The following ASIC2 variants were observed in gnomAD, a reference collection of about 807,000 sequenced individuals.
ASIC2 encodes the protein acid-sensing ion channel 2.
In ASIC2, 25 loss-of-function variants were observed where a neutral mutation model predicts 57.3. The ratio of observed to expected loss-of-function variants is 0.44; its 90% CI spans 0.32 to 0.61. The LOEUF is 0.61. Ranked by LOEUF, ASIC2 falls within the 20% of genes least tolerant of loss-of-function variation. ASIC2 has a pLI of 0.06. For missense variants in ASIC2, 641 were observed against 738.1 expected (o/e 0.87, Z 1.52); for synonymous variants, 319 against 307.5 (o/e 1.04, Z -0.39).
At chr17:33,352,306 C>T (rs1597695199) in intron 1 of ASIC2, among the ~76,000 whole-genome samples, 1 of 152,166 alleles carries the variant, frequency 6.6e-6, no homozygotes, top group African/African-American at 2.4e-5. Flanking sequence ...GTTCTCTCCT[C>T]AGGCACAATA....
intron 1 of ASIC2, among the ~76,000 whole-genome samples, chr17:33,579,581 A>G (rs1189603536): frequency 6.6e-6 from 1 of 152,058 alleles, no homozygotes; most frequent in Non-Finnish European, 1.5e-5. Context: ...TGAGTGTTAC[A>G]GCTCTTAAAG....
intron 1 of ASIC2, among the ~76,000 whole-genome samples, chr17:33,539,945 G>T (rs1298556557): frequency 6.6e-6 from 1 of 152,200 alleles, no homozygotes; most frequent in Non-Finnish European, 1.5e-5. Flanking sequence ...AGTGTTCCGG[G>T]CCAAGAAACA....
chr17:33,400,014 C>G (rs1203642565), intron 1 of ASIC2, among the ~76,000 whole-genome samples: 2 of 152,210 alleles, frequency 1.3e-5, no homozygotes, highest in African/African-American at 4.8e-5. Context: ...CCATAGAGAC[C>G]TGTCTGCACA....
At chr17:33,988,208 T>C (rs554880537) in intron 1 of ASIC2, among the ~76,000 whole-genome samples, 10 of 152,316 alleles carry the variant, frequency 6.6e-5, no homozygotes, top group African/African-American at 2.2e-4. Context: ...CAAACACATA[T>C]AAAATACAAG....
At chr17:33,138,109 A>C (rs1046709920) in intron 1 of ASIC2, among the ~76,000 whole-genome samples, 1 of 152,188 alleles carries the variant, frequency 6.6e-6, no homozygotes, top group African/African-American at 2.4e-5. Flanking sequence ...GTGGTTATTC[A>C]AGAGGTCTGG....
At chr17:33,577,288 G>A (rs1218649354) in intron 1 of ASIC2, among the ~76,000 whole-genome samples, 2 of 152,140 alleles carry the variant, frequency 1.3e-5, no homozygotes, top group Non-Finnish European at 2.9e-5. Flanking sequence ...GTGGCCCCAG[G>A]TCTAAGTGCA....
chr17:33,222,755 C>T (rs1275502883), intron 1 of ASIC2, among the ~76,000 whole-genome samples: 3 of 152,150 alleles, frequency 2.0e-5, no homozygotes, highest in Non-Finnish European at 4.4e-5. Context: ...TTATATGTTT[C>T]TTAAAAGAGA....
At chr17:34,102,033 G>A (rs2142101236) in intron 1 of ASIC2, among the ~76,000 whole-genome samples, 1 of 152,300 alleles carries the variant, frequency 6.6e-6, no homozygotes, top group East Asian at 1.9e-4. Flanking sequence ...GATACAGCCA[G>A]GTGTGGTGGT....
At chr17:33,242,057 G>T (rs968979136) in intron 1 of ASIC2, among the ~76,000 whole-genome samples, 1 of 152,194 alleles carries the variant, frequency 6.6e-6, no homozygotes, top group Non-Finnish European at 1.5e-5. Context: ...AGTGGCTCAC[G>T]CCTGTAATCC....
chr17:33,700,138 T>C (rs1035287753), intron 1 of ASIC2, among the ~76,000 whole-genome samples: 4 of 152,148 alleles, frequency 2.6e-5, no homozygotes, highest in Admixed American at 6.5e-5. Context: ...AGGCAAAGAA[T>C]TGGAACTGAG....
At chr17:33,381,029 C>G (rs573720963) in intron 1 of ASIC2, among the ~76,000 whole-genome samples, 1 of 152,296 alleles carries the variant, frequency 6.6e-6, no homozygotes, top group Admixed American at 6.5e-5. Flanking sequence ...AATCTCGGCT[C>G]ACAGTTCGAG....
chr17:33,895,166 A>AT (rs11387427), intron 1 of ASIC2, among the ~76,000 whole-genome samples: 94,509 of 143,986 alleles, frequency 0.66, 30,929 homozygotes, highest in East Asian at 0.93. Context: ...TTTTTTTGCT[A>AT]TTTTTTTTTT....
intron 1 of ASIC2, among the ~76,000 whole-genome samples, chr17:33,556,507 G>A (rs1184121964): frequency 6.6e-6 from 1 of 152,166 alleles, no homozygotes; most frequent in East Asian, 1.9e-4. Context: ...TTTACTTAGA[G>A]CTTAAATACG....
intron 1 of ASIC2, among the ~76,000 whole-genome samples, chr17:33,806,954 C>T (rs1162586930): frequency 1.3e-5 from 2 of 152,208 alleles, no homozygotes; most frequent in African/African-American, 4.8e-5. Flanking sequence ...AATCCAAGAA[C>T]TGATTTGATT....
At chr17:33,916,499 T>C (rs1485705381) in intron 1 of ASIC2, among the ~76,000 whole-genome samples, 8 of 152,198 alleles carry the variant, frequency 5.3e-5, no homozygotes, top group Admixed American at 2.0e-4. Flanking sequence ...TGCTAGTCTT[T>C]TCAATTTAAC....
intron 1 of ASIC2, among the ~76,000 whole-genome samples, chr17:34,091,600 G>A (rs145320904): frequency 6.5e-4 from 99 of 152,362 alleles, no homozygotes; most frequent in African/African-American, 2.3e-3. Flanking sequence ...GGAGATGATG[G>A]ATGGTGAGAT....
rs145385601 is a variant in ASIC2 at position 33,417,243 on chromosome 17, T to C, written c.556-305176A>G. Among the ~76,000 whole-genome samples, 303 of 152,244 alleles carry C rather than the reference T, an allele frequency of 2.0e-3. 1 individual carries two copies. The highest frequency in any genetic ancestry group is 6.8e-3 in the African/African-American group (281 of 41,546). On this transcript the variant is annotated intron_variant, in intron 1 of 9. Coordinates refer to the ASIC2 transcript ENST00000359872. ...TAGAATCTTTAATTCCCAGGGGTTA[T>C]AAAATCTTAAAAATCCACCCAGTTC...
chr17:33,800,542 C>G (rs1308193206), intron 1 of ASIC2, among the ~76,000 whole-genome samples: 10 of 152,118 alleles, frequency 6.6e-5, no homozygotes, highest in Non-Finnish European at 1.5e-4. Context: ...ATTAGAAAGT[C>G]ATTTCTCCCA....
intron 1 of ASIC2, among the ~76,000 whole-genome samples, chr17:33,375,952 C>A (rs1200143736): frequency 6.6e-6 from 1 of 152,102 alleles, no homozygotes; most frequent in East Asian, 1.9e-4. Flanking sequence ...AAGTTATCGA[C>A]ACAATGAGTT....
Sources: gnomAD v4.1 joint callset for allele counts (sites outside exome capture counted in the v4.1 genomes callset) on GRCh38, gnomAD v4.1.1 for gene constraint, MANE v1.5 for transcripts, NCBI Gene and HGNC (gene_info 2026-07-23, HGNC 2026-07-21) for gene names.